R3HDM1: variants seen among roughly 807,000 people sequenced by gnomAD.
R3HDM1 encodes the protein R3H domain-containing protein 1.
Under a neutral mutation model 141.1 loss-of-function variants are expected in R3HDM1, and 46 were observed. That is an observed-to-expected ratio of 0.33 (90% CI 0.26 to 0.42). The LOEUF is 0.42. R3HDM1 is among the 10% of genes least tolerant of loss of function. The pLI, the probability that R3HDM1 is intolerant of heterozygous loss-of-function variation, is 1.00. For missense variants in R3HDM1, 1,184 were observed against 1,368.3 expected (o/e 0.87, Z 2.12); for synonymous variants, 435 against 472.9 (o/e 0.92, Z 1.04).
Position 135,635,880 on chromosome 2 carries a change from G to GT in R3HDM1, c.699-4dup. Reference sequence around the variant, plus strand: ...TTCCTGTTCCTTTGTTTTTGTTTTTGTTTTTTAAGACCTGATCAGAAATTT... The same window carrying GT: ...TTCCTGTTCCTTTGTTTTTGTTTTTGTTTTTTTAAGACCTGATCAGAAATTT... On this transcript the variant is annotated splice_polypyrimidine_tract_variant and intron_variant, in intron 9 of 26. Coordinates refer to ENST00000683871, the MANE Select transcript of R3HDM1 (RefSeq NM_001378107.1). 1.9e-6 allele frequency: 3 copies of GT among 1,566,162 alleles called. No individual in the cohort carries two copies. The highest frequency in any genetic ancestry group is 2.6e-6 in the Non-Finnish European group (3 of 1,161,768).
At chr2:135,567,844 A>G (rs991357754) in intron 1 of R3HDM1, among the ~76,000 whole-genome samples, 1 of 146,888 alleles carries the variant, frequency 6.8e-6, no homozygotes, top group Admixed American at 6.8e-5. Flanking sequence ...GGCTCAGGTA[A>G]TTCTCGCACC....
intron 1 of R3HDM1, chr2:135,590,818 C>G (rs1210830472): frequency 1.3e-6 from 1 of 751,886 alleles, no homozygotes; most frequent in Non-Finnish European, 1.6e-6. Context: ...AAGACAGCAC[C>G]TGTTCTGCCT....
At chr2:135,705,753 G>T (rs1381992321) in intron 21 of R3HDM1, among the ~76,000 whole-genome samples, 1 of 152,016 alleles carries the variant, frequency 6.6e-6, no homozygotes, top group Non-Finnish European at 1.5e-5. Context: ...TGGTAAGAAT[G>T]AATAACTAAT....
intron 1 of R3HDM1, among the ~76,000 whole-genome samples, chr2:135,580,500 A>G (rs1706565694): frequency 6.6e-6 from 1 of 152,096 alleles, no homozygotes; most frequent in African/African-American, 2.4e-5. Context: ...GGAGTCAACC[A>G]TTGATTTCTT....
At position 135,650,627 on chromosome 2, in the gene R3HDM1, A is replaced by G. The variant is rs972231721; in HGVS notation, c.1725+624A>G. 25 of 981,166 alleles carry G rather than the reference A, an allele frequency of 2.5e-5. No individual in the cohort carries two copies. The African/African-American group carries it at 4.4e-4, about 17-fold the overall frequency. 60.8% of individuals were successfully genotyped at this position (981,166 alleles called of 1,614,324 possible). On this transcript the variant is annotated intron_variant, in intron 17 of 26. Transcript: ENST00000683871. ...TTTGATCATATAACATTGAAATTAC[A>G]GTTCATAGGTACATTTTTTTTCCTT...
intron 9 of R3HDM1, among the ~76,000 whole-genome samples, chr2:135,634,784 ACTAC>A (rs1266767837): frequency 2.0e-5 from 3 of 152,218 alleles, no homozygotes; most frequent in African/African-American, 7.2e-5. Context: ...AACTATAAAA[ACTAC>A]CTAGGAGTTC....
At chr2:135,626,834 G>A in intron 7 of R3HDM1, among the ~76,000 whole-genome samples, 1 of 152,142 alleles carries the variant, frequency 6.6e-6, no homozygotes, top group East Asian at 1.9e-4. Flanking sequence ...GATATTGGAT[G>A]ATCCCAACCC....
chr2:135,537,693 G>T (rs1291377265), intron 1 of R3HDM1, among the ~76,000 whole-genome samples: 2 of 148,530 alleles, frequency 1.3e-5, no homozygotes, highest in African/African-American at 5.0e-5. Context: ...GTCTCACTCT[G>T]TCGCCCAGGG....
At chr2:135,606,754 C>CAAAAAA (rs530408371) in intron 3 of R3HDM1, 1 of 56,296 alleles carries the variant, frequency 1.8e-5, no homozygotes, top group African/African-American at 5.2e-5. Flanking sequence ...GACTCCATCT[C>CAAAAAA]AAAAAAAAAA....
intron 18 of R3HDM1, among the ~76,000 whole-genome samples, chr2:135,659,722 G>C (rs2066446231): frequency 6.6e-6 from 1 of 152,178 alleles, no homozygotes; most frequent in Admixed American, 6.5e-5. Flanking sequence ...ACAGGCGTCA[G>C]CTGCCATACC....
intron 17 of R3HDM1, chr2:135,651,441 TTAAA>T: frequency 1.5e-5 from 15 of 975,800 alleles, no homozygotes; most frequent in Non-Finnish European, 1.8e-5. Flanking sequence ...TCATCTTCAT[TTAAA>T]TAAATGTCTT....
chr2:135,638,954 G>A lies in R3HDM1; in HGVS notation c.1051G>A (p.Glu351Lys). 1 of 1,614,102 alleles carries A rather than the reference G, an allele frequency of 6.2e-7. No homozygotes were observed. The highest frequency in any genetic ancestry group is 8.5e-7 in the Non-Finnish European group (1 of 1,180,022). The change falls in exon 14 of 27, where the codon GAG (glutamate) becomes AAG (lysine). Residue 351 changes from glutamate to lysine, a missense_variant. Around this residue, in one of 5 missense-constraint regions of R3HDM1, gnomAD observed 240 missense variants for 312.3 expected, o/e 0.77. Coordinates refer to ENST00000683871, the MANE Select transcript of R3HDM1 (RefSeq NM_001378107.1). ...TAGCCATCAAAGCAGCACTGAGAAT[G>A]AGTTGAAGTACTCGGAACCACGACC... ...TNSHQSSTENELKYSEPRPWS... is the reference protein window; with the variant it reads ...TNSHQSSTENKLKYSEPRPWS...
intron 19 of R3HDM1, chr2:135,666,977 C>A: frequency 4.6e-6 from 2 of 431,050 alleles, no homozygotes; most frequent in Non-Finnish European, 3.1e-6. Context: ...CAAGCACAGT[C>A]TGGAAAAAAA....
intron 9 of R3HDM1, among the ~76,000 whole-genome samples, chr2:135,635,652 G>A (rs765145111): frequency 5.9e-5 from 9 of 152,086 alleles, no homozygotes; most frequent in East Asian, 1.9e-4. Context: ...GAATCCAAGC[G>A]GACTGACTCC....
chr2:135,667,948 A>G (rs1460086840), intron 19 of R3HDM1, among the ~76,000 whole-genome samples: 2 of 152,218 alleles, frequency 1.3e-5, no homozygotes, highest in East Asian at 1.9e-4. Flanking sequence ...TGTTTAAACA[A>G]AAGTTCAGAG....
chr2:135,621,354 T>C, intron 5 of R3HDM1, 140 bp from the exon 6 acceptor site: 3 of 468,366 alleles, frequency 6.4e-6, no homozygotes, highest in Non-Finnish European at 1.1e-5. Flanking sequence ...TATTAAGTTG[T>C]TTTTTAGTTT....
At chr2:135,540,766 A>G (rs886631374) in intron 1 of R3HDM1, among the ~76,000 whole-genome samples, 2 of 152,174 alleles carry the variant, frequency 1.3e-5, no homozygotes, top group African/African-American at 4.8e-5. Flanking sequence ...GAAGGTTTTC[A>G]GCTTACTTTA....
intron 19 of R3HDM1, among the ~76,000 whole-genome samples, chr2:135,663,893 G>A (rs1483095831): frequency 6.6e-6 from 1 of 152,062 alleles, no homozygotes; most frequent in Admixed American, 6.6e-5. Context: ...AATTAGCCGG[G>A]CATGGTGGCG....
chr2:135,683,832 TATA>T (rs1204507863), intron 21 of R3HDM1, among the ~76,000 whole-genome samples: 1 of 152,142 alleles, frequency 6.6e-6, no homozygotes, highest in African/African-American at 2.4e-5. Context: ...TAGTGGCTTA[TATA>T]AATTATATTT....
Sources: gnomAD v4.1 joint callset for allele counts (sites outside exome capture counted in the v4.1 genomes callset) on GRCh38, gnomAD v4.1.1 for gene constraint, gnomAD v4.1.1 regional missense constraint, MANE v1.5 for transcripts, NCBI Gene and HGNC (gene_info 2026-07-23, HGNC 2026-07-21) for gene names.